Variants in FLT3 observed in about 807,000 individuals in gnomAD.
FLT3 encodes receptor-type tyrosine-protein kinase FLT3.
Under a neutral mutation model 126.6 loss-of-function variants are expected in FLT3, and 46 were observed. That is an observed-to-expected ratio of 0.36 (90% CI 0.29 to 0.46). FLT3 has a LOEUF of 0.46. Among genes scored for constraint, FLT3 ranks in the 20% least tolerant of loss-of-function variants. The probability of loss-of-function intolerance (pLI) is 1.00; values close to 1 mark genes in which losing one functional copy is unlikely to be tolerated. For missense variants in FLT3, 1,069 were observed against 1,190.3 expected, an observed-to-expected ratio of 0.90 and a Z score of 1.50; for synonymous variants, 404 against 434.4, an observed-to-expected ratio of 0.93 and a Z score of 0.87.
chr13:28,015,845 G>C, intron 20 of FLT3, 144 bp from the exon 21 acceptor site: 1 of 611,686 alleles, frequency 1.6e-6, no homozygotes, highest in Middle Eastern at 3.0e-4. Context: ...TCACGTGAAA[G>C]GTTTTCACTT....
intron 9 of FLT3, among the ~76,000 whole-genome samples, chr13:28,045,590 T>C (rs1874778491): frequency 6.6e-6 from 1 of 152,162 alleles, no homozygotes; most frequent in Non-Finnish European, 1.5e-5. Context: ...CCAGGCGCGG[T>C]GGCTCACGCC....
chr13:28,035,516 T>C lies in FLT3; in HGVS notation c.1576A>G (p.Thr526Ala), dbSNP rs1873751457. The change falls in exon 12 of 24, where the codon ACG (threonine) becomes GCG (alanine). Residue 526 changes from threonine (T) to alanine (A), a missense_variant. By Grantham distance (58) the Thr-to-Ala change is moderately conservative. Coordinates refer to ENST00000241453, the MANE Select transcript of FLT3 (RefSeq NM_004119.3). ...GTACCTGGAGAGTTTAAAAGGATCG[T>C]CTCACAAGATGTGCCAAGGGAATTG... ...AYNSLGTSCE[T>A]ILLNSPGPFP... 6.2e-7 allele frequency: 1 copy of C among 1,613,536 alleles called. No homozygotes were observed. Among genetic ancestry groups the C allele is most frequent in the East Asian group, 2.2e-5 (1 of 44,876 alleles).
In FLT3 at chr13:28,023,482, A is replaced by G. The variant is rs778565623; in HGVS notation, c.2291-5T>C. 1.2e-6 allele frequency: 2 copies of G among 1,612,974 alleles called. No homozygotes were observed. Among genetic ancestry groups the G allele is most frequent in the East Asian group, 4.5e-5 (2 of 44,862 alleles). The stretch of plus-strand genomic sequence containing the variant: ...GGTTTTCATATTCAATTTCATCTGT[A>G]AAATAGAGCCAGTCTTCACTTTTGC... On this transcript the variant is annotated splice_region_variant and splice_polypyrimidine_tract_variant and intron_variant, in intron 18 of 23. Transcript: ENST00000241453.
intron 18 of FLT3, among the ~76,000 whole-genome samples, chr13:28,023,993 C>T (rs1051317778): frequency 3.3e-5 from 5 of 152,084 alleles, no homozygotes; most frequent in African/African-American, 1.2e-4. Flanking sequence ...GATCTCCTGA[C>T]CTCGTGATCC....
chr13:28,014,762 C>T (rs531218543), intron 22 of FLT3, among the ~76,000 whole-genome samples: 45 of 152,070 alleles, frequency 3.0e-4, no homozygotes, highest in South Asian at 6.2e-4. Flanking sequence ...AGAAACATGA[C>T]GTAGTGGATA....
At chr13:28,096,116 A>G (rs1052212883) in intron 1 of FLT3, among the ~76,000 whole-genome samples, 1 of 152,090 alleles carries the variant, frequency 6.6e-6, no homozygotes, top group East Asian at 1.9e-4. Context: ...GCACTTTGGG[A>G]GGCTGAGGCA....
chr13:28,095,351 C>T (rs1442642688), intron 1 of FLT3, among the ~76,000 whole-genome samples: 1 of 152,176 alleles, frequency 6.6e-6, no homozygotes, highest in Non-Finnish European at 1.5e-5. Context: ...TCTCGGCTCA[C>T]TGCAACCTCC....
intron 5 of FLT3, among the ~76,000 whole-genome samples, chr13:28,051,910 G>A (rs76420491): frequency 0.027 from 4,164 of 151,518 alleles, 90 homozygotes; most frequent in Middle Eastern, 0.065. Flanking sequence ...GCCCCAACCA[G>A]ATGCCCAGGG....
chr13:28,006,987 C>G lies in FLT3; in HGVS notation c.2860-2813G>C, dbSNP rs540051824. Reference sequence around the variant, plus strand: ...CACTCCTGGCCTCAAGTGATCCACCCACCTAGGCCTCCCAAAGTGCTGGGA... The same window carrying G: ...CACTCCTGGCCTCAAGTGATCCACCGACCTAGGCCTCCCAAAGTGCTGGGA... On this transcript the variant is annotated intron_variant, in intron 23 of 23. Coordinates refer to ENST00000241453, the MANE Select transcript of FLT3 (RefSeq NM_004119.3). Among the ~76,000 whole-genome samples the G allele has an allele frequency of 5.9e-4, 90 of 152,204 alleles. 1 individual carries two copies. The highest frequency in any genetic ancestry group is 2.1e-3 in the African/African-American group (89 of 41,538).
chr13:28,062,982 C>T (rs1443474220), intron 2 of FLT3, among the ~76,000 whole-genome samples: 1 of 152,062 alleles, frequency 6.6e-6, no homozygotes, highest in East Asian at 1.9e-4. Flanking sequence ...TTTGTTGTAT[C>T]ACCCCTAGCA....
intron 19 of FLT3, among the ~76,000 whole-genome samples, chr13:28,019,945 C>T (rs1461065576): frequency 6.6e-6 from 1 of 152,184 alleles, no homozygotes; most frequent in Non-Finnish European, 1.5e-5. Flanking sequence ...TTCATCCAAA[C>T]CTAGGGATGC....
At chr13:28,055,532 G>T (rs1466580753) in intron 4 of FLT3, among the ~76,000 whole-genome samples, 1 of 152,218 alleles carries the variant, frequency 6.6e-6, no homozygotes, top group African/African-American at 2.4e-5. Context: ...CACGCTGGTG[G>T]TTAATACTGA....
rs149075830 is a variant in FLT3, at chr13:28,091,508, A to T, written c.43+8960T>A. On this transcript the variant is annotated intron_variant, in intron 1 of 23. Transcript: ENST00000241453. The stretch of plus-strand genomic sequence containing the variant: ...AGTGCTGGGATTACAGGCGTGAGCC[A>T]CCGCGCCCGGCCCCCCATTTTCTTC... 4.9e-4 allele frequency among the ~76,000 whole-genome samples: 75 copies of T among 151,710 alleles called. No homozygotes were observed. The East Asian group carries it at 0.013, about 26-fold the overall frequency.
At chr13:28,096,487 AGTGCAATG>A (rs1879459189) in intron 1 of FLT3, among the ~76,000 whole-genome samples, 1 of 151,680 alleles carries the variant, frequency 6.6e-6, no homozygotes, top group Non-Finnish European at 1.5e-5. Flanking sequence ...CCAAGGGTAT[AGTGCAATG>A]GCGCAATCTT....
At chr13:28,048,854 G>A (rs1027655577) in intron 8 of FLT3, among the ~76,000 whole-genome samples, 7 of 152,130 alleles carry the variant, frequency 4.6e-5, no homozygotes, top group East Asian at 1.9e-4. Flanking sequence ...TAAGAGCATC[G>A]CTGTATTTCT....
At position 28,062,951 on chromosome 13, in the gene FLT3, C is replaced by A. The variant is rs73154845; in HGVS notation, c.166-882G>T. 7.3e-3 allele frequency among the ~76,000 whole-genome samples: 1,118 copies of A among 152,138 alleles called. 6 individuals are homozygous for A. Among genetic ancestry groups the A allele is most frequent in the Non-Finnish European group, 0.013 (856 of 68,002 alleles). On this transcript the variant is annotated intron_variant, in intron 2 of 23. Transcript: ENST00000241453. ...TGAGATAATAAATTTCTGTTGGTTTCAGTTGCCCAGTCTGTGGTAGTTTGT... is the reference window on the plus strand; with the variant it reads ...TGAGATAATAAATTTCTGTTGGTTTAAGTTGCCCAGTCTGTGGTAGTTTGT...
chr13:28,036,168 G>A, intron 10 of FLT3, 125 bp from the exon 11 acceptor site: 1 of 734,258 alleles, frequency 1.4e-6, no homozygotes. Flanking sequence ...GACCAGCCTG[G>A]GCAACACAGC....
chr13:28,064,342 A>C (rs906529268), intron 2 of FLT3, among the ~76,000 whole-genome samples: 4 of 152,046 alleles, frequency 2.6e-5, no homozygotes, highest in Non-Finnish European at 4.4e-5. Flanking sequence ...TGGGAGGCCA[A>C]GGTGGGCGGA....
chr13:28,066,518 T>A (rs991464592), intron 2 of FLT3, among the ~76,000 whole-genome samples: 3 of 152,124 alleles, frequency 2.0e-5, no homozygotes, highest in Non-Finnish European at 4.4e-5. Flanking sequence ...TGAGGAGATG[T>A]TGAAAGGACA....
Sources: allele counts gnomAD v4.1 joint callset (sites outside exome capture counted in the v4.1 genomes callset), GRCh38; gene constraint gnomAD v4.1.1; transcripts MANE v1.5; gene names NCBI Gene and HGNC (gene_info 2026-07-23, HGNC 2026-07-21).